The following SLC38A2 variants were observed in gnomAD, a reference collection of about 807,000 sequenced individuals.
SLC38A2 encodes sodium-coupled neutral amino acid symporter 2.
In SLC38A2, 11 loss-of-function variants were observed where a neutral mutation model predicts 61.5. The ratio of observed to expected loss-of-function variants is 0.18; its 90% CI spans 0.11 to 0.30. SLC38A2 has a LOEUF of 0.30. Among genes scored for constraint, SLC38A2 ranks in the 10% least tolerant of loss-of-function variants. The probability of loss-of-function intolerance (pLI) is 1.00; values close to 1 mark genes in which losing one functional copy is unlikely to be tolerated. For synonymous variants in SLC38A2, 217 were observed against 212.5 expected, an observed-to-expected ratio of 1.02 and a Z score of -0.18; for missense variants, 522 against 600.4, an observed-to-expected ratio of 0.87 and a Z score of 1.36.
At chr12:46,367,225 T>A (rs1286016366) in intron 5 of SLC38A2, 42 bp downstream of exon 5, 1 of 1,574,880 alleles carries the variant, frequency 6.3e-7, no homozygotes, top group Admixed American at 1.7e-5. Context: ...AATAAAATGA[T>A]AGGTATACAT....
chr12:46,361,701 A>G (rs1228125224), intron 15 of SLC38A2, among the ~76,000 whole-genome samples: 1 of 152,204 alleles, frequency 6.6e-6, no homozygotes. Context: ...CTTTAATCAG[A>G]GCAGAATGAA....
Position 46,370,861 on chromosome 12 carries a change from CA to C in SLC38A2, c.117-5del. 1.3e-6 allele frequency: 2 copies of C among 1,596,244 alleles called. No individual in the cohort carries two copies. Among genetic ancestry groups the C allele is most frequent in the Non-Finnish European group, 1.7e-6 (2 of 1,171,516 alleles). ...AGGATCTACATCTGCATAATGGCTG[CA>C]AAAAATATAGACATATATAATTGTA... On this transcript the variant is annotated splice_polypyrimidine_tract_variant and splice_region_variant and intron_variant, in intron 2 of 15. Coordinates refer to ENST00000256689, the MANE Select transcript of SLC38A2 (RefSeq NM_018976.5).
intron 13 of SLC38A2, 105 bp downstream of exon 13, chr12:46,362,916 T>C (rs1943098858): frequency 7.1e-7 from 1 of 1,414,776 alleles, no homozygotes; most frequent in Non-Finnish European, 9.7e-7. Context: ...ACCAACTTAG[T>C]ATTGTTCTAC....
chr12:46,363,214 CA>C, intron 12 of SLC38A2, 69 bp from the exon 13 acceptor site: 2 of 1,527,304 alleles, frequency 1.3e-6, no homozygotes, highest in Non-Finnish European at 9.0e-7. Context: ...AATTTAACAG[CA>C]AAATGTGCAC....
In SLC38A2 at chr12:46,370,559, G is replaced by GTTT. The variant is rs1943184616; in HGVS notation, c.266_267insAAA (p.Ile89_Leu90insAsn). 6.2e-7 allele frequency: 1 copy of GTTT among 1,614,012 alleles called. No homozygotes were observed. The highest frequency in any genetic ancestry group is 1.3e-5 in the African/African-American group (1 of 74,920). Reference sequence around the variant, plus strand: ...TAGCCATGGCATAAGAAAGCCCAAGGATTCCACTGCCCACAATCGCATTGC... The same window carrying GTTT: ...TAGCCATGGCATAAGAAAGCCCAAGGTTTATTCCACTGCCCACAATCGCATTGC... On this transcript the variant is annotated inframe_insertion, in exon 4 of 16. Coordinates refer to ENST00000256689, the MANE Select transcript of SLC38A2 (RefSeq NM_018976.5).
At chr12:46,368,948 C>T (rs193104504) in intron 4 of SLC38A2, among the ~76,000 whole-genome samples, 3 of 152,236 alleles carry the variant, frequency 2.0e-5, no homozygotes, top group Non-Finnish European at 4.4e-5. Flanking sequence ...TGGTTTTTGG[C>T]CCATTTTCCT....
Position 46,363,056 on chromosome 12 carries a change from C to T in SLC38A2, c.1144G>A (p.Ala382Thr), listed in dbSNP as rs1391854273. 6.2e-7 allele frequency: 1 copy of T among 1,612,996 alleles called. No individual in the cohort carries two copies. Among genetic ancestry groups the T allele is most frequent in the Non-Finnish European group, 8.5e-7 (1 of 1,179,240 alleles). The change falls in exon 13 of 16, where the codon GCT becomes ACT. Residue 382 changes from alanine to threonine, a missense_variant. Coordinates refer to ENST00000256689, the MANE Select transcript of SLC38A2 (RefSeq NM_018976.5). ...LLIVRLAVLM[A>T]VTLTVPVVIF... ...ACTACTGGTACTGTCAGGGTCACAGCCATTAACACAGCCAGACGGACAATG... is the reference window on the plus strand; with the variant it reads ...ACTACTGGTACTGTCAGGGTCACAGTCATTAACACAGCCAGACGGACAATG...
At chr12:46,371,016 G>T in intron 2 of SLC38A2, 159 bp from the exon 3 acceptor site, 1 of 824,340 alleles carries the variant, frequency 1.2e-6, no homozygotes. Context: ...TTTCACACCA[G>T]CTATCTTGTC....
chr12:46,369,932 A>T (rs1233409865), intron 4 of SLC38A2, among the ~76,000 whole-genome samples: 2 of 152,220 alleles, frequency 1.3e-5, no homozygotes, highest in Admixed American at 1.3e-4. Context: ...ACATGTGGCA[A>T]TCGAACAGGT....
In SLC38A2 at chr12:46,372,765, CGCGGCTGT is replaced by C. The variant is rs1555200257; in HGVS notation, c.-351_-344del. The C allele has an allele frequency of 7.5e-6, 3 of 398,196 alleles. No individual in the cohort carries two copies. Among genetic ancestry groups the C allele is most frequent in the Non-Finnish European group, 1.3e-5 (3 of 225,814 alleles). The allele number at this position is 398,196 out of a possible 1,614,324, so 24.7% of individuals were successfully genotyped here. ...AAGGCGTTCTAAGGCGGCGGCGTCG[CGCGGCTGT>C]GGAGCAGCCCTGCGAGCGGCGGGTT... On this transcript the variant is annotated 5_prime_UTR_variant, in exon 1 of 16. Coordinates refer to ENST00000256689, the MANE Select transcript of SLC38A2 (RefSeq NM_018976.5).
intron 4 of SLC38A2, among the ~76,000 whole-genome samples, chr12:46,368,224 GAACT>G (rs1164313788): frequency 6.6e-6 from 1 of 152,242 alleles, no homozygotes. Context: ...ACAAATCAGA[GAACT>G]AACCATTGTG....
At chr12:46,371,092 T>C in intron 2 of SLC38A2, 86 bp downstream of exon 2, 2 of 1,138,748 alleles carry the variant, frequency 1.8e-6, no homozygotes, top group Non-Finnish European at 1.3e-6. Flanking sequence ...TATAGCAAAT[T>C]AAAGCAATGG....
chr12:46,361,236 C>T lies in SLC38A2; in HGVS notation c.1423-27G>A, dbSNP rs187861869. 2.8e-5 allele frequency: 44 copies of T among 1,573,480 alleles called. No homozygotes were observed. The African/African-American group carries it at 5.8e-4, about 21-fold the overall frequency. On this transcript the variant is annotated intron_variant, in intron 15 of 15. Coordinates refer to ENST00000256689, the MANE Select transcript of SLC38A2 (RefSeq NM_018976.5). Reference sequence around the variant, plus strand: ...TGCAAAGAGCATAGAGAAAATTGATCAGCAAGTAATAAAACATATATGCTA... The same window carrying T: ...TGCAAAGAGCATAGAGAAAATTGATTAGCAAGTAATAAAACATATATGCTA...
At chr12:46,364,352 A>G (rs1343710311) in intron 10 of SLC38A2, 37 bp downstream of exon 10, 4 of 1,536,884 alleles carry the variant, frequency 2.6e-6, no homozygotes, top group Non-Finnish European at 3.5e-6. Flanking sequence ...TTTCTTCCCT[A>G]AACTCTTCTT....
chr12:46,367,522 G>A, intron 4 of SLC38A2, 182 bp from the exon 5 acceptor site: 1 of 599,486 alleles, frequency 1.7e-6, no homozygotes, highest in South Asian at 2.1e-5. Context: ...TTGGCTGGCA[G>A]TAAAAACTTG....
At chr12:46,371,601 G>GC (rs1234602950) in intron 1 of SLC38A2, 1 of 347,932 alleles carries the variant, frequency 2.9e-6, no homozygotes, top group Non-Finnish European at 5.2e-6. Context: ...GGCCGTCGAG[G>GC]CCCCCTACTC....
chr12:46,372,290 CG>C (rs1943213323), intron 1 of SLC38A2: 1 of 177,180 alleles, frequency 5.6e-6, no homozygotes, highest in Non-Finnish European at 1.2e-5. Flanking sequence ...CGTGCAGGCA[CG>C]CGGCCCCCGC....
At chr12:46,370,195 T>C (rs1043085500) in intron 4 of SLC38A2, among the ~76,000 whole-genome samples, 11 of 152,368 alleles carry the variant, frequency 7.2e-5, no homozygotes, top group Non-Finnish European at 1.3e-4. Flanking sequence ...AATTTATACC[T>C]ACCCTGGCTT....
At position 46,360,892 on chromosome 12, in the gene SLC38A2, G is replaced by A. The variant is rs528374575; in HGVS notation, c.*219C>T. 9 of 477,998 alleles carry A rather than the reference G, an allele frequency of 1.9e-5. No individual in the cohort carries two copies. Among genetic ancestry groups the A allele is most frequent in the South Asian group, 4.0e-5 (1 of 24,704 alleles). 29.6% of individuals were successfully genotyped at this position (477,998 alleles called of 1,614,324 possible). A position where few individuals can be genotyped will look rare whatever the true frequency, so the allele number is the denominator to read the frequency against. On this transcript the variant is annotated 3_prime_UTR_variant, in exon 16 of 16. Transcript: ENST00000256689. ...TGTCACTTCCCTTAACCCGAGACTC[G>A]TGGTTTTGTTGTTCATATCCATTTC...
Sources: gnomAD v4.1 joint callset for allele counts (sites outside exome capture counted in the v4.1 genomes callset) on GRCh38, gnomAD v4.1.1 for gene constraint, MANE v1.5 for transcripts, NCBI Gene and HGNC (gene_info 2026-07-23, HGNC 2026-07-21) for gene names.